The following GPD2 variants were observed in gnomAD, a reference collection of about 807,000 sequenced individuals.
GPD2 encodes glycerol-3-phosphate dehydrogenase, mitochondrial.
GPD2 carries 54 observed loss-of-function variants against 82.4 expected under a neutral mutation model. The observed-to-expected ratio is 0.66, with a 90% CI of 0.53 to 0.82. The LOEUF is 0.82. Among genes scored for constraint, GPD2 ranks in the 40% least tolerant of loss-of-function variants. GPD2 has a pLI of 0.00. For missense variants in GPD2, 748 were observed against 896.2 expected (o/e 0.83, Z 2.11); for synonymous variants, 288 against 306.1 (o/e 0.94, Z 0.62).
intron 1 of GPD2, among the ~76,000 whole-genome samples, chr2:156,456,861 G>A (rs1455271978): frequency 1.3e-5 from 2 of 152,098 alleles, no homozygotes; most frequent in African/African-American, 4.8e-5. Context: ...GGTGGTTTGG[G>A]CGACACAGTG....
chr2:156,431,251 C>T (rs1308066428), upstream of GPD2, among the ~76,000 whole-genome samples: 6 of 152,180 alleles, frequency 3.9e-5, no homozygotes, highest in African/African-American at 1.4e-4. Context: ...AAGAGAAACA[C>T]TTAAGACTCT....
At chr2:156,576,512 T>G (rs1033373226) in intron 13 of GPD2, among the ~76,000 whole-genome samples, 7 of 152,056 alleles carry the variant, frequency 4.6e-5, no homozygotes, top group African/African-American at 1.7e-4. Context: ...GGAAAGGATT[T>G]GTTAATCCCC....
chr2:156,461,625 C>A (rs1682992207), intron 1 of GPD2, among the ~76,000 whole-genome samples: 1 of 152,178 alleles, frequency 6.6e-6, no homozygotes, highest in African/African-American at 2.4e-5. Context: ...AGCGATCCTC[C>A]CACCTTGGCC....
chr2:156,557,722 G>T, intron 9 of GPD2, 140 bp downstream of exon 9: 1 of 688,018 alleles, frequency 1.5e-6, no homozygotes, highest in Admixed American at 2.1e-5. Context: ...CATTTATGAG[G>T]GCCAAATTTT....
chr2:156,583,490 A>G lies in GPD2; in HGVS notation c.*572A>G, dbSNP rs1688105505. 6.1e-6 allele frequency: 1 copy of G among 165,056 alleles called. No homozygotes were observed. The highest frequency in any genetic ancestry group is 2.4e-5 in the African/African-American group (1 of 41,480). The allele number at this position is 165,056 out of a possible 1,614,324, so 10.2% of individuals were successfully genotyped here. On this transcript the variant is annotated 3_prime_UTR_variant, in exon 17 of 17. Transcript: ENST00000438166. ...CATGCAAACAATATTCCACATTTTT[A>G]TATCTAGAGCATGACTGGCTAACTG...
At chr2:156,557,253 A>T in intron 8 of GPD2, 136 bp from the exon 9 acceptor site, 1 of 688,284 alleles carries the variant, frequency 1.5e-6, no homozygotes, top group Non-Finnish European at 2.6e-6. Context: ...AGATTAGGGT[A>T]GGGGAAGTGC....
In GPD2 at chr2:156,550,656, C is replaced by G. The variant is rs769617848; in HGVS notation, c.881C>G (p.Thr294Arg). The change falls in exon 8 of 17, where the codon ACG (threonine) becomes AGG (arginine). Residue 294 changes from threonine (T) to arginine (R), a missense_variant. Around this residue, in one of 3 missense-constraint regions of GPD2, gnomAD observed 692 missense variants for 809.7 expected, o/e 0.85. Coordinates refer to ENST00000438166, the MANE Select transcript of GPD2 (RefSeq NM_000408.5). The part of the protein sequence containing the change: ...KCVINATGPF[T>R]DSVRKMDDKD... ...GTTATCAATGCCACGGGACCTTTCA[C>G]GGACTCTGTGCGCAAAATGGATGAT... 2 of 1,613,712 alleles carry G rather than the reference C, an allele frequency of 1.2e-6. No homozygotes were observed. The highest frequency in any genetic ancestry group is 1.3e-5 in the African/African-American group (1 of 74,924).
At chr2:156,524,098 A>G (rs1028318104) in intron 6 of GPD2, among the ~76,000 whole-genome samples, 4 of 152,160 alleles carry the variant, frequency 2.6e-5, no homozygotes, top group Admixed American at 2.6e-4. Flanking sequence ...CAAATAGTGA[A>G]CATTATACTC....
At chr2:156,566,076 C>A (rs1687377860) in intron 9 of GPD2, among the ~76,000 whole-genome samples, 1 of 152,076 alleles carries the variant, frequency 6.6e-6, no homozygotes, top group Non-Finnish European at 1.5e-5. Context: ...TGGATTTGAA[C>A]TAAAACATGG....
intron 8 of GPD2, among the ~76,000 whole-genome samples, chr2:156,555,360 C>T (rs1000588944): frequency 6.6e-6 from 1 of 152,078 alleles, no homozygotes; most frequent in African/African-American, 2.4e-5. Context: ...AGTAGTTGTG[C>T]ATTTCTAATG....
the GPD2 span, among the ~76,000 whole-genome samples, chr2:156,420,242 G>A: frequency 0.19 from 28,871 of 151,896 alleles, 3,200 homozygotes; most frequent in Non-Finnish European, 0.24. Flanking sequence ...CGTGATCTCG[G>A]CTCACTGCAA....
At chr2:156,524,746 G>C (rs1685541331) in intron 6 of GPD2, among the ~76,000 whole-genome samples, 2 of 152,186 alleles carry the variant, frequency 1.3e-5, no homozygotes, top group African/African-American at 4.8e-5. Flanking sequence ...AGTAAGAAAA[G>C]CAGAAGGCGT....
At chr2:156,459,231 T>A (rs1433750406) in intron 1 of GPD2, among the ~76,000 whole-genome samples, 1 of 152,174 alleles carries the variant, frequency 6.6e-6, no homozygotes, top group African/African-American at 2.4e-5. Flanking sequence ...CTTTTCAGTA[T>A]GAAAGTGTTG....
chr2:156,422,441 T>C, the GPD2 span, among the ~76,000 whole-genome samples: 11 of 152,230 alleles, frequency 7.2e-5, no homozygotes, highest in African/African-American at 2.2e-4. Context: ...TAAAATACTA[T>C]GCAGGCAGGC....
chr2:156,562,885 G>C (rs888959936), intron 9 of GPD2, among the ~76,000 whole-genome samples: 1 of 152,024 alleles, frequency 6.6e-6, no homozygotes, highest in Non-Finnish European at 1.5e-5. Flanking sequence ...TAAACATGAT[G>C]GTAAGAGTAT....
At chr2:156,481,541 A>T (rs1229966661) in intron 2 of GPD2, among the ~76,000 whole-genome samples, 1 of 152,010 alleles carries the variant, frequency 6.6e-6, no homozygotes, top group Non-Finnish European at 1.5e-5. Flanking sequence ...CCTAGATATG[A>T]GTCAGAACAT....
the GPD2 span, among the ~76,000 whole-genome samples, chr2:156,412,277 A>G: frequency 6.6e-6 from 1 of 152,176 alleles, no homozygotes; most frequent in Non-Finnish European, 1.5e-5. Flanking sequence ...CTCTACTAAG[A>G]ATACAAAAAA....
intron 6 of GPD2, among the ~76,000 whole-genome samples, chr2:156,520,624 C>T (rs868673196): frequency 3.3e-5 from 5 of 151,430 alleles, no homozygotes; most frequent in African/African-American, 4.9e-5. Context: ...CTCACTCTGT[C>T]GCTCAAGCAG....
chr2:156,452,896 A>G (rs561730174), intron 1 of GPD2, among the ~76,000 whole-genome samples: 1 of 152,322 alleles, frequency 6.6e-6, no homozygotes, highest in South Asian at 2.1e-4. Context: ...ACAGAGGTGG[A>G]TAAGTCATCA....
Sources: gnomAD v4.1 joint callset for allele counts (sites outside exome capture counted in the v4.1 genomes callset) on GRCh38, gnomAD v4.1.1 for gene constraint, gnomAD v4.1.1 regional missense constraint, MANE v1.5 for transcripts, NCBI Gene and HGNC (gene_info 2026-07-23, HGNC 2026-07-21) for gene names.